STRN3: variants seen among roughly 807,000 people sequenced by gnomAD.
The protein encoded by STRN3 is striatin-3.
STRN3 carries 29 observed loss-of-function variants against 95.6 expected under a neutral mutation model. The ratio of observed to expected loss-of-function variants is 0.30; its 90% CI spans 0.23 to 0.41. The LOEUF is 0.41. STRN3 is among the 10% of genes least tolerant of loss of function. The pLI is 1.00. For synonymous variants in STRN3, 331 were observed against 357.6 expected, an observed-to-expected ratio of 0.93 and a Z score of 0.84; for missense variants, 890 against 972.1, an observed-to-expected ratio of 0.92 and a Z score of 1.12.
chr14:30,924,984 A>T (rs1294248232), intron 8 of STRN3, among the ~76,000 whole-genome samples: 1 of 152,180 alleles, frequency 6.6e-6, no homozygotes, highest in East Asian at 1.9e-4. Flanking sequence ...TTAAGTCAGA[A>T]ATTATGTCAA....
In STRN3 at chr14:30,974,274, T is replaced by C. The variant is rs145652780; in HGVS notation, c.283-18032A>G. ...CACAGAAAAATCAGTTTCATTTTTATACACTAACAATGAACAATCTGAAAA... is the reference window on the plus strand; with the variant it reads ...CACAGAAAAATCAGTTTCATTTTTACACACTAACAATGAACAATCTGAAAA... On this transcript the variant is annotated intron_variant, in intron 1 of 17. Transcript: ENST00000357479. Among the ~76,000 whole-genome samples, 227 of 152,306 alleles carry C rather than the reference T, an allele frequency of 1.5e-3. 1 individual carries two copies. The highest frequency in any genetic ancestry group is 7.5e-3 in the East Asian group (39 of 5,190).
intron 4 of STRN3, among the ~76,000 whole-genome samples, chr14:30,950,617 G>A (rs568316711): frequency 6.6e-6 from 1 of 152,098 alleles, no homozygotes; most frequent in African/African-American, 2.4e-5. Context: ...ATTTTATATT[G>A]TTTTTGTTCT....
At chr14:30,942,913 T>A (rs1388136022) in intron 5 of STRN3, among the ~76,000 whole-genome samples, 1 of 152,188 alleles carries the variant, frequency 6.6e-6, no homozygotes. Context: ...AATCCTATGA[T>A]CCTCATTTTA....
intron 3 of STRN3, among the ~76,000 whole-genome samples, chr14:30,952,642 T>C (rs535969333): frequency 5.3e-5 from 8 of 151,888 alleles, no homozygotes; most frequent in East Asian, 1.9e-4. Flanking sequence ...AGAGATTGCA[T>C]TGAGCCAAGA....
chr14:30,918,601 A>T (rs533780085), intron 9 of STRN3, among the ~76,000 whole-genome samples: 1 of 152,304 alleles, frequency 6.6e-6, no homozygotes, highest in East Asian at 1.9e-4. Context: ...TAGTTCCTAA[A>T]TTTAAGCAAT....
intron 6 of STRN3, among the ~76,000 whole-genome samples, chr14:30,935,642 A>G (rs1243924897): frequency 6.6e-6 from 1 of 152,206 alleles, no homozygotes; most frequent in African/African-American, 2.4e-5. Flanking sequence ...TTGACCTCAT[A>G]AATGGGAACT....
intron 1 of STRN3, among the ~76,000 whole-genome samples, chr14:30,967,241 T>A (rs1353204924): frequency 5.4e-3 from 118 of 21,982 alleles, no homozygotes; most frequent in African/African-American, 0.018. Flanking sequence ...TGGGGCAGGG[T>A]GGGGGGGAAG....
chr14:30,961,106 A>G (rs536546973), intron 1 of STRN3, among the ~76,000 whole-genome samples: 1 of 152,254 alleles, frequency 6.6e-6, no homozygotes, highest in Admixed American at 6.5e-5. Flanking sequence ...CAATTTAAAA[A>G]CTTTTATTCA....
At chr14:30,917,528 C>G (rs2139008348) in intron 9 of STRN3, among the ~76,000 whole-genome samples, 1 of 147,202 alleles carries the variant, frequency 6.8e-6, no homozygotes, top group African/African-American at 2.5e-5. Flanking sequence ...AAAAACGAAG[C>G]AAAATCACCA....
chr14:30,983,386 T>A (rs751532734), intron 1 of STRN3, among the ~76,000 whole-genome samples: 1 of 151,980 alleles, frequency 6.6e-6, no homozygotes, highest in Non-Finnish European at 1.5e-5. Context: ...CTACTAAAAA[T>A]ACAAAAAAAT....
At chr14:30,997,234 T>G (rs963125427) in intron 1 of STRN3, among the ~76,000 whole-genome samples, 2 of 152,052 alleles carry the variant, frequency 1.3e-5, no homozygotes, top group East Asian at 3.9e-4. Flanking sequence ...CAGATTAACT[T>G]AAAAATCTTC....
rs190008853 is a variant in STRN3 at position 30,952,385 on chromosome 14, C to G, written c.461-1441G>C. On this transcript the variant is annotated intron_variant, in intron 3 of 17. Coordinates refer to ENST00000357479, the MANE Select transcript of STRN3 (RefSeq NM_001083893.2). The stretch of plus-strand genomic sequence containing the variant: ...AATGTCCTCTTCAGACATTATTTCT[C>G]TAATCCTAACAGTCCAATTATTAAT... Among the ~76,000 whole-genome samples, 261 of 152,166 alleles carry G rather than the reference C, an allele frequency of 1.7e-3. 2 individuals are homozygous for G. The highest frequency in any genetic ancestry group is 5.7e-3 in the African/African-American group (238 of 41,524).
chr14:31,019,568 T>G (rs1290699092), intron 1 of STRN3, among the ~76,000 whole-genome samples: 1 of 152,120 alleles, frequency 6.6e-6, no homozygotes, highest in African/African-American at 2.4e-5. Context: ...AACAAACCTG[T>G]CAGGAGATTA....
chr14:30,966,005 C>T (rs1030600931), intron 1 of STRN3, among the ~76,000 whole-genome samples: 1 of 152,152 alleles, frequency 6.6e-6, no homozygotes, highest in African/African-American at 2.4e-5. Context: ...CCTGACTCAC[C>T]TGCTCCACTC....
chr14:30,987,606 G>C, intron 1 of STRN3, among the ~76,000 whole-genome samples: 1 of 152,104 alleles, frequency 6.6e-6, no homozygotes, highest in Non-Finnish European at 1.5e-5. Context: ...GTTCATATTA[G>C]AAATTTGGAG....
intron 1 of STRN3, among the ~76,000 whole-genome samples, chr14:31,009,038 C>CA (rs911703164): frequency 4.0e-5 from 6 of 148,552 alleles, no homozygotes; most frequent in Non-Finnish European, 5.9e-5. Context: ...GACCCTCTCT[C>CA]AAAAAAAAGA....
chr14:30,930,764 G>T (rs1174186548), intron 7 of STRN3, among the ~76,000 whole-genome samples: 1 of 152,086 alleles, frequency 6.6e-6, no homozygotes, highest in Non-Finnish European at 1.5e-5. Flanking sequence ...AAATTATGCT[G>T]CATCAGGAAT....
At chr14:30,955,999 T>G in intron 2 of STRN3, 140 bp downstream of exon 2, 5 of 648,744 alleles carry the variant, frequency 7.7e-6, no homozygotes, top group South Asian at 7.5e-5. Context: ...TTCCCAAGTA[T>G]GAATCAAATC....
Position 30,954,578 on chromosome 14 carries a change from AT to A in STRN3, c.460+1041del, listed in dbSNP as rs141184962. 1.8e-3 allele frequency among the ~76,000 whole-genome samples: 275 copies of A among 152,276 alleles called. 5 individuals are homozygous for A. The East Asian group carries it at 0.032, about 18-fold the overall frequency. On this transcript the variant is annotated intron_variant, in intron 3 of 17. Coordinates refer to ENST00000357479, the MANE Select transcript of STRN3 (RefSeq NM_001083893.2). ...AGAATTTTTCTACATAACTGAAAAC[AT>A]TTTACTTCGCTGTTATTGTGTGTCC...
Sources: allele counts gnomAD v4.1 joint callset (sites outside exome capture counted in the v4.1 genomes callset), GRCh38; gene constraint gnomAD v4.1.1; transcripts MANE v1.5; gene names NCBI Gene and HGNC (gene_info 2026-07-23, HGNC 2026-07-21).